Variants in ZNF831 observed in about 807,000 individuals in gnomAD.
ZNF831 encodes the protein chromosome 20 open reading frame 174.
A neutral mutation model predicts 95.8 loss-of-function variants in ZNF831; 59 were observed. The observed-to-expected ratio is 0.62, with a 90% CI of 0.50 to 0.77. The LOEUF (loss-of-function observed/expected upper bound fraction) is 0.77, where lower values mean the gene tolerates loss of function less well. Ranked by LOEUF, ZNF831 falls within the 30% of genes least tolerant of loss-of-function variation. The pLI, the probability that ZNF831 is intolerant of heterozygous loss-of-function variation, is 0.00. For synonymous variants in ZNF831, 961 were observed against 925.5 expected (o/e 1.04, Z -0.70); for missense variants, 2,205 against 2,164.0 (o/e 1.02, Z -0.38).
chr20:59,161,098 A>T (rs987452023), upstream of ZNF831, among the ~76,000 whole-genome samples: 1 of 152,118 alleles, frequency 6.6e-6, no homozygotes, highest in Non-Finnish European at 1.5e-5. Context: ...TGATGGATTT[A>T]TTTGTTATAT....
At chr20:59,253,862 C>T in intron 5 of ZNF831, 36 bp from the exon 6 acceptor site, 1 of 1,070,944 alleles carries the variant, frequency 9.3e-7, no homozygotes, top group Non-Finnish European at 1.3e-6. Context: ...ATTAACCTCC[C>T]CCCCCACTTT....
intron 4 of ZNF831, among the ~76,000 whole-genome samples, chr20:59,232,970 C>T (rs901559541): frequency 1.3e-5 from 2 of 148,262 alleles, no homozygotes; most frequent in African/African-American, 4.9e-5. Flanking sequence ...GGATTCCTCT[C>T]ATTTTATAGG....
At chr20:59,214,219 T>C (rs1985532510) in intron 4 of ZNF831, among the ~76,000 whole-genome samples, 1 of 152,234 alleles carries the variant, frequency 6.6e-6, no homozygotes, top group African/African-American at 2.4e-5. Flanking sequence ...CCTGCTTCAC[T>C]GCATGGTGTG....
rs1166337258 is a variant in ZNF831 at position 59,257,042 on chromosome 20, G to A, written c.*2299G>A. The A allele has an allele frequency of 2.0e-5, 3 of 152,242 alleles. No individual in the cohort carries two copies. Among genetic ancestry groups the A allele is most frequent in the African/African-American group, 7.2e-5 (3 of 41,442 alleles). The allele number at this position is 152,242 out of a possible 1,614,324, so 9.4% of individuals were successfully genotyped here. ...TCTGGGTGGCTACTGTGGAATCAAC[G>A]GGGTCACTGGCTGTAAATCAGTAAG... On this transcript the variant is annotated 3_prime_UTR_variant, in exon 6 of 6. Coordinates refer to ENST00000371030, the MANE Select transcript of ZNF831 (RefSeq NM_178457.3).
At chr20:59,197,338 C>T (rs1438553676) in intron 3 of ZNF831, among the ~76,000 whole-genome samples, 2 of 152,062 alleles carry the variant, frequency 1.3e-5, no homozygotes, top group Admixed American at 6.5e-5. Flanking sequence ...AGGTACTGCC[C>T]ATGATGTGGA....
chr20:59,253,954 C>G lies in ZNF831; in HGVS notation c.4245C>G (p.Ala1415=). 2 of 1,596,696 alleles carry G rather than the reference C, an allele frequency of 1.3e-6. No homozygotes were observed. Among genetic ancestry groups the G allele is most frequent in the Non-Finnish European group, 1.7e-6 (2 of 1,171,014 alleles). The change falls in exon 6 of 6, where the codon GCC becomes GCG. Residue 1415 remains alanine (A), a synonymous_variant. Coordinates refer to ENST00000371030, the MANE Select transcript of ZNF831 (RefSeq NM_178457.3). ...HGDCTTHSTA[A]TSGLSLQSDT... is the part of the protein sequence containing the mutation. ...ACTGTACTACTCACAGCACTGCTGC[C>G]ACATCAGGATTATCTCTGCAATCTG... is the stretch of plus-strand genomic sequence containing the variant.
At chr20:59,197,963 C>G (rs923662049) in intron 3 of ZNF831, among the ~76,000 whole-genome samples, 1 of 152,098 alleles carries the variant, frequency 6.6e-6, no homozygotes, top group Non-Finnish European at 1.5e-5. Context: ...AGTTGATGAG[C>G]CTGAAGCCTC....
intron 4 of ZNF831, among the ~76,000 whole-genome samples, chr20:59,250,644 G>GACAACA (rs890602923): frequency 1.3e-5 from 2 of 151,992 alleles, no homozygotes; most frequent in Non-Finnish European, 2.9e-5. Context: ...CTTCAACAAC[G>GACAACA]ACAACAACAA....
At chr20:59,201,351 A>T (rs190910535) in intron 3 of ZNF831, among the ~76,000 whole-genome samples, 34 of 152,188 alleles carry the variant, frequency 2.2e-4, no homozygotes, top group Non-Finnish European at 4.3e-4. Context: ...GAGTTTTGAG[A>T]ATTTTTTTAA....
rs981956307 is a variant in ZNF831, at chr20:59,208,467, G to A, written c.4027+1411G>A. On this transcript the variant is annotated intron_variant, in intron 4 of 5. Transcript: ENST00000371030. This position sits in a 1 kb window ranked among gnomAD's most constrained non-coding sequence, Gnocchi z 4.2. ...TCGATATCACCTCTGTGCTCTCCAG[G>A]TGCCCTGTGGATGCCCCTCGTCTCT... 6.6e-6 allele frequency among the ~76,000 whole-genome samples: 1 copy of A among 152,342 alleles called. No homozygotes were observed. Among genetic ancestry groups the A allele is most frequent in the Middle Eastern group, 3.4e-3 (1 of 294 alleles).
chr20:59,229,805 G>C (rs980573235), intron 4 of ZNF831, among the ~76,000 whole-genome samples: 9 of 152,104 alleles, frequency 5.9e-5, no homozygotes, highest in Admixed American at 5.2e-4. Context: ...TTTCAGGCAG[G>C]GGGGAAGGAA....
At chr20:59,141,177 G>A (rs1387517856) in intron 1 of ZNF831, among the ~76,000 whole-genome samples, 1 of 152,192 alleles carries the variant, frequency 6.6e-6, no homozygotes, top group Non-Finnish European at 1.5e-5. Flanking sequence ...TGGGATTACA[G>A]GCATGAGCCA....
At chr20:59,158,190 G>A (rs894783143) in intron 2 of ZNF831, among the ~76,000 whole-genome samples, 21 of 152,212 alleles carry the variant, frequency 1.4e-4, no homozygotes, top group African/African-American at 3.9e-4. Flanking sequence ...AGACTGGCCC[G>A]TGGCGACAGG....
intron 1 of ZNF831, among the ~76,000 whole-genome samples, chr20:59,170,125 CAATT>C (rs1981607986): frequency 6.6e-6 from 1 of 151,908 alleles, no homozygotes; most frequent in African/African-American, 2.4e-5. Context: ...TCTTTTTAAA[CAATT>C]AATAGCAGTT....
At chr20:59,240,578 G>A (rs1052360307) in intron 4 of ZNF831, among the ~76,000 whole-genome samples, 13 of 152,082 alleles carry the variant, frequency 8.5e-5, no homozygotes, top group Non-Finnish European at 1.6e-4. Flanking sequence ...GAGGCGGGCG[G>A]ATCACGAGGT....
chr20:59,215,377 C>G (rs904754081), intron 4 of ZNF831, among the ~76,000 whole-genome samples: 9 of 152,206 alleles, frequency 5.9e-5, no homozygotes, highest in African/African-American at 2.2e-4. Flanking sequence ...ACGATAAGAA[C>G]TACATTGAGT....
intron 1 of ZNF831, among the ~76,000 whole-genome samples, chr20:59,181,401 CT>C (rs1207681402): frequency 6.6e-6 from 1 of 152,130 alleles, no homozygotes; most frequent in African/African-American, 2.4e-5. Flanking sequence ...TCAATTTTGG[CT>C]TTTGTTGCAA....
rs1312760571 is a variant in ZNF831, at chr20:59,208,151, G to A, written c.4027+1095G>A. Reference sequence around the variant, plus strand: ...AGGTCAAGGGTCAAGCCCCATGTGGGAGAGGCTGGGATGCAGGGGGTTGGG... The same window carrying A: ...AGGTCAAGGGTCAAGCCCCATGTGGAAGAGGCTGGGATGCAGGGGGTTGGG... On this transcript the variant is annotated intron_variant, in intron 4 of 5. Transcript: ENST00000371030. This position sits in a 1 kb window ranked among gnomAD's most constrained non-coding sequence, Gnocchi z 4.2. Among the ~76,000 whole-genome samples the A allele has an allele frequency of 1.3e-5, 2 of 152,238 alleles. No homozygotes were observed. The highest frequency in any genetic ancestry group is 1.9e-4 in the East Asian group (1 of 5,198).
At chr20:59,252,900 AT>A (rs1284467392) in intron 4 of ZNF831, 77 bp from the exon 5 acceptor site, 1 of 1,489,034 alleles carries the variant, frequency 6.7e-7, no homozygotes, top group African/African-American at 1.4e-5. Flanking sequence ...TCAAGAAGTC[AT>A]GGACAACCTC....
Sources: gnomAD v4.1 joint callset for allele counts (sites outside exome capture counted in the v4.1 genomes callset) on GRCh38, gnomAD v4.1.1 for gene constraint, Gnocchi (gnomAD v3.1) non-coding constraint, MANE v1.5 for transcripts, NCBI Gene and HGNC (gene_info 2026-07-23, HGNC 2026-07-21) for gene names.